The following RAB1A variants were observed in gnomAD, a reference collection of about 807,000 sequenced individuals.
RAB1A encodes the protein RAB1A, member RAS oncogene family, also known as ras-related protein Rab-1A.
A neutral mutation model predicts 26.0 loss-of-function variants in RAB1A; 2 were observed. The observed-to-expected ratio is 0.08, with a 90% confidence interval of 0.03 to 0.24. The LOEUF (loss-of-function observed/expected upper bound fraction) is 0.24. Among genes scored for constraint, RAB1A ranks in the 10% least tolerant of loss-of-function variants. The probability of loss-of-function intolerance (pLI) is 1.00; values close to 1 mark genes in which losing one functional copy is unlikely to be tolerated. For missense variants in RAB1A, 100 were observed against 247.0 expected (o/e 0.40, Z 3.99); for synonymous variants, 84 against 84.9 (o/e 0.99, Z 0.06).
chr2:65,121,632 T>C (rs916125186), intron 1 of RAB1A, among the ~76,000 whole-genome samples: 1 of 152,124 alleles, frequency 6.6e-6, no homozygotes, highest in Admixed American at 6.6e-5. Flanking sequence ...ACCCTATTAA[T>C]AATCTGCAAC....
At chr2:65,120,544 T>C (rs1307458817) in intron 1 of RAB1A, among the ~76,000 whole-genome samples, 3 of 152,052 alleles carry the variant, frequency 2.0e-5, no homozygotes, top group African/African-American at 7.2e-5. Flanking sequence ...TTTCACATTT[T>C]AATATTGATA....
chr2:65,090,892 G>T, intron 4 of RAB1A, 91 bp downstream of exon 4: 1 of 736,910 alleles, frequency 1.4e-6, no homozygotes, highest in Non-Finnish European at 2.1e-6. Context: ...AATACTGATG[G>T]CTTATATATG....
At chr2:65,129,802 G>T in intron 1 of RAB1A, 91 bp downstream of exon 1, 1 of 1,537,602 alleles carries the variant, frequency 6.5e-7, no homozygotes, top group Non-Finnish European at 8.8e-7. Context: ...CCCAGCCGAT[G>T]CCCCGACTTC....
rs1308012001 is a variant in RAB1A at position 65,098,058 on chromosome 2, T to C, written c.105A>G (p.Thr35=). Residue 35 remains threonine, a synonymous_variant, in exon 3 of 6, where the codon ACA becomes ACG. Transcript: ENST00000409784. ...SCLLLRFADD[T]YTESYISTIG... ...TTGTGCTGATGTAGCTTTCTGTATA[T>C]GTATCATCCTGAAGGGGGAAATAAT... 2 of 1,534,996 alleles carry C rather than the reference T, an allele frequency of 1.3e-6. No homozygotes were observed. Among genetic ancestry groups the C allele is most frequent in the South Asian group, 2.4e-5 (2 of 82,256 alleles).
chr2:65,119,850 A>C (rs1311117860), intron 1 of RAB1A, among the ~76,000 whole-genome samples: 2 of 147,006 alleles, frequency 1.4e-5, no homozygotes, highest in African/African-American at 2.5e-5. Context: ...ACAAAAAAAA[A>C]AAAAAAAAAA....
At chr2:65,125,837 A>AACTGTTC (rs1280922290) in intron 1 of RAB1A, among the ~76,000 whole-genome samples, 1 of 147,918 alleles carries the variant, frequency 6.8e-6, no homozygotes, top group Non-Finnish European at 1.5e-5. Context: ...CTACTTTTTT[A>AACTGTTC]ACTGTTCAGA....
At chr2:65,118,875 GTTT>G (rs1268769987) in intron 1 of RAB1A, among the ~76,000 whole-genome samples, 1 of 152,098 alleles carries the variant, frequency 6.6e-6, no homozygotes, top group Non-Finnish European at 1.5e-5. Context: ...GAAGATTTGG[GTTT>G]TTTAATAAAA....
intron 1 of RAB1A, among the ~76,000 whole-genome samples, chr2:65,124,286 C>T (rs974924702): frequency 2.0e-5 from 3 of 152,014 alleles, no homozygotes; most frequent in Non-Finnish European, 2.9e-5. Flanking sequence ...CAGCCAAAAG[C>T]GGGAAATTTT....
intron 2 of RAB1A, among the ~76,000 whole-genome samples, chr2:65,102,310 G>GC (rs1188477161): frequency 1.3e-5 from 2 of 151,844 alleles, no homozygotes; most frequent in Admixed American, 6.6e-5. Context: ...AGATTAAAGA[G>GC]CCACCTATGT....
At chr2:65,095,920 G>A (rs889720179) in intron 3 of RAB1A, among the ~76,000 whole-genome samples, 9 of 152,068 alleles carry the variant, frequency 5.9e-5, no homozygotes, top group African/African-American at 9.7e-5. Context: ...TTGGGAAGCC[G>A]AGTCAGGCAG....
intron 2 of RAB1A, 59 bp from the exon 3 acceptor site, chr2:65,098,125 A>G: frequency 2.0e-6 from 2 of 1,000,102 alleles, no homozygotes; most frequent in Non-Finnish European, 2.8e-6. Flanking sequence ...ATGCAAGTCT[A>G]AGTGGAAAAA....
intron 2 of RAB1A, among the ~76,000 whole-genome samples, chr2:65,098,449 G>A (rs537314740): frequency 9.9e-5 from 15 of 151,860 alleles, no homozygotes; most frequent in African/African-American, 2.7e-4. Flanking sequence ...AAACTCTTGC[G>A]ACCCACCCAC....
At chr2:65,126,416 G>A (rs1268755956) in intron 1 of RAB1A, among the ~76,000 whole-genome samples, 1 of 151,356 alleles carries the variant, frequency 6.6e-6, no homozygotes, top group Non-Finnish European at 1.5e-5. Flanking sequence ...GCCAAGGCCC[G>A]GGCGACAGAG....
intron 3 of RAB1A, among the ~76,000 whole-genome samples, chr2:65,093,042 T>C (rs933908369): frequency 4.6e-5 from 7 of 152,160 alleles, no homozygotes; most frequent in Non-Finnish European, 1.0e-4. Context: ...TATGAGTCAA[T>C]TAAACCTTTT....
Position 65,130,021 on chromosome 2 carries a change from C to A in RAB1A, c.-106G>T, listed in dbSNP as rs1432933340. 4.7e-6 allele frequency: 6 copies of A among 1,276,446 alleles called. No individual in the cohort carries two copies. Among genetic ancestry groups the A allele is most frequent in the Non-Finnish European group, 6.7e-6 (6 of 900,240 alleles). The allele number at this position is 1,276,446 out of a possible 1,614,324, so 79.1% of individuals were successfully genotyped here. A position where few individuals can be genotyped will look rare whatever the true frequency, so the allele number is the denominator to read the frequency against. ...AAAGAAAGGAATGAGATAGGCTGTT[C>A]CGGGAGAGCAAACGTCTTCCCCTAC... On this transcript the variant is annotated 5_prime_UTR_variant, in exon 1 of 6. Transcript: ENST00000409784.
intron 1 of RAB1A, among the ~76,000 whole-genome samples, chr2:65,124,321 A>G (rs1158011499): frequency 3.3e-5 from 5 of 152,218 alleles, no homozygotes; most frequent in Non-Finnish European, 5.9e-5. Context: ...CAGGCTGGAC[A>G]TGGTGGCCCA....
chr2:65,111,172 G>A (rs1446102616), intron 1 of RAB1A, among the ~76,000 whole-genome samples: 3 of 151,936 alleles, frequency 2.0e-5, no homozygotes, highest in Admixed American at 6.6e-5. Context: ...GACCAGCCTG[G>A]GCAACACGGT....
intron 1 of RAB1A, among the ~76,000 whole-genome samples, chr2:65,120,382 G>A (rs1330612488): frequency 6.6e-6 from 1 of 150,812 alleles, no homozygotes; most frequent in Non-Finnish European, 1.5e-5. Context: ...CTTGAACCTG[G>A]GAGGTGGAGG....
intron 4 of RAB1A, among the ~76,000 whole-genome samples, chr2:65,090,424 A>G (rs1669145502): frequency 6.6e-6 from 1 of 152,344 alleles, no homozygotes; most frequent in East Asian, 1.9e-4. Context: ...CCCCTGGATC[A>G]CATGCTTCAC....
Sources: gnomAD v4.1 joint callset for allele counts (sites outside exome capture counted in the v4.1 genomes callset) on GRCh38, gnomAD v4.1.1 for gene constraint, MANE v1.5 for transcripts, NCBI Gene and HGNC (gene_info 2026-07-23, HGNC 2026-07-21) for gene names.